TPMT: variants seen among roughly 807,000 people sequenced by gnomAD.
TPMT encodes the protein S-adenosyl-L-methionine:thiopurine S-methyltransferase.
TPMT carries 18 observed loss-of-function variants against 34.2 expected under a neutral mutation model. That is an observed-to-expected ratio of 0.53 (90% CI 0.36 to 0.78). TPMT has a LOEUF of 0.78. Among genes scored for constraint, TPMT ranks in the 30% least tolerant of loss-of-function variants. The pLI is 0.00. For missense variants in TPMT, 265 were observed against 288.1 expected (o/e 0.92, Z 0.58); for synonymous variants, 69 against 92.4 (o/e 0.75, Z 1.45).
chr6:18,146,093 C>A lies in TPMT; in HGVS notation c.233+1730G>T, dbSNP rs1468755625. On this transcript the variant is annotated intron_variant, in intron 3 of 8. Coordinates refer to ENST00000309983, the MANE Select transcript of TPMT (RefSeq NM_000367.5). This position sits in a 1 kb window ranked among gnomAD's most constrained non-coding sequence, Gnocchi z 6.2. Reference sequence around the variant, plus strand: ...TCTGTATAGACCTCAATACATAGATCAGTTACATAAATGAAAAATCATCTA... The same window carrying A: ...TCTGTATAGACCTCAATACATAGATAAGTTACATAAATGAAAAATCATCTA... Among the ~76,000 whole-genome samples, 1 of 152,126 alleles carries A rather than the reference C, an allele frequency of 6.6e-6. No individual in the cohort carries two copies. Among genetic ancestry groups the A allele is most frequent in the Non-Finnish European group, 1.5e-5 (1 of 68,038 alleles).
In TPMT at chr6:18,136,565, C is replaced by G. The variant is rs377510263; in HGVS notation, c.494+2398G>C. On this transcript the variant is annotated intron_variant, in intron 6 of 8. Coordinates refer to ENST00000309983, the MANE Select transcript of TPMT (RefSeq NM_000367.5). The surrounding 1 kb of genome is among the most constrained non-coding windows in gnomAD (Gnocchi z 4.7). ...TGGCTTACACCTCTAATCCCAGCACCGGGTGGCCGAGGCGGGTGGATCAGC... is the reference window on the plus strand; with the variant it reads ...TGGCTTACACCTCTAATCCCAGCACGGGGTGGCCGAGGCGGGTGGATCAGC... Among the ~76,000 whole-genome samples, 2 of 152,204 alleles carry G rather than the reference C, an allele frequency of 1.3e-5. No homozygotes were observed. The highest frequency in any genetic ancestry group is 3.9e-4 in the East Asian group (2 of 5,170).
In TPMT at chr6:18,140,662, T is replaced by C. The variant is rs1368953248; in HGVS notation, c.367-945A>G. On this transcript the variant is annotated intron_variant, in intron 4 of 8. Coordinates refer to ENST00000309983, the MANE Select transcript of TPMT (RefSeq NM_000367.5). The surrounding 1 kb of genome is among the most constrained non-coding windows in gnomAD (Gnocchi z 4.7). ...TTGTGCCACTGCCCTCCAGCCTGTG[T>C]GAGAGTAAGACCCTGTCTCAAAAAC... Among the ~76,000 whole-genome samples, 3 of 150,718 alleles carry C rather than the reference T, an allele frequency of 2.0e-5. No individual in the cohort carries two copies. The highest frequency in any genetic ancestry group is 4.4e-5 in the Non-Finnish European group (3 of 67,700).
In TPMT at chr6:18,149,230, C is replaced by T; in HGVS notation, c.-44-59G>A. 7.2e-7 allele frequency: 1 copy of T among 1,390,096 alleles called. No homozygotes were observed. The highest frequency in any genetic ancestry group is 2.3e-5 in the East Asian group (1 of 43,794). The allele number at this position is 1,390,096 out of a possible 1,614,324, so 86.1% of individuals were successfully genotyped here. Reference sequence around the variant, plus strand: ...AGGTCATTGGAATTCTATTGATGAACTAAATGAAAACCTATTATTCTTAGC... The same window carrying T: ...AGGTCATTGGAATTCTATTGATGAATTAAATGAAAACCTATTATTCTTAGC... On this transcript the variant is annotated intron_variant, in intron 1 of 8. Transcript: ENST00000309983. The surrounding 1 kb of genome is among the most constrained non-coding windows in gnomAD (Gnocchi z 5.0).
At position 18,132,484 on chromosome 6, in the gene TPMT, C is replaced by G. The variant is rs1783964850; in HGVS notation, c.581-307G>C. Reference sequence around the variant, plus strand: ...AACCATCTTCTAGCATACTGATTTTCTACCAACTCCTGCACTCACCCACAT... The same window carrying G: ...AACCATCTTCTAGCATACTGATTTTGTACCAACTCCTGCACTCACCCACAT... On this transcript the variant is annotated intron_variant, in intron 7 of 8. Transcript: ENST00000309983. This position sits in a 1 kb window ranked among gnomAD's most constrained non-coding sequence, Gnocchi z 4.8. Among the ~76,000 whole-genome samples the G allele has an allele frequency of 1.3e-5, 2 of 152,052 alleles. No individual in the cohort carries two copies. Among genetic ancestry groups the G allele is most frequent in the South Asian group, 4.1e-4 (2 of 4,822 alleles).
At position 18,137,051 on chromosome 6, in the gene TPMT, G is replaced by A. The variant is rs145979411; in HGVS notation, c.494+1912C>T. ...GCATGGTCTAATTTAAAAAGATTAGGTTTGGCAGTAAGCCTTACTGATGAA... is the reference window on the plus strand; with the variant it reads ...GCATGGTCTAATTTAAAAAGATTAGATTTGGCAGTAAGCCTTACTGATGAA... On this transcript the variant is annotated intron_variant, in intron 6 of 8. Coordinates refer to ENST00000309983, the MANE Select transcript of TPMT (RefSeq NM_000367.5). 3.0e-3 allele frequency among the ~76,000 whole-genome samples: 459 copies of A among 152,144 alleles called. 6 individuals are homozygous for A. Among genetic ancestry groups the A allele is most frequent in the African/African-American group, 0.01 (435 of 41,544 alleles).
intron 1 of TPMT, among the ~76,000 whole-genome samples, chr6:18,151,740 A>T (rs1419394762): frequency 1.3e-5 from 2 of 152,030 alleles, no homozygotes; most frequent in East Asian, 1.9e-4. Context: ...CTGCAGCTGC[A>T]CACCCTCATG....
Position 18,148,973 on chromosome 6 carries a change from C to A in TPMT, c.140+15G>T. Reference sequence around the variant, plus strand: ...TGATAGAACATTTCTCTATTGTATACCAAATATTTCTTACTGATGTCCTTG... The same window carrying A: ...TGATAGAACATTTCTCTATTGTATAACAAATATTTCTTACTGATGTCCTTG... On this transcript the variant is annotated intron_variant, in intron 2 of 8. Transcript: ENST00000309983. The surrounding 1 kb of genome is among the most constrained non-coding windows in gnomAD (Gnocchi z 4.1). 4 of 1,612,796 alleles carry A rather than the reference C, an allele frequency of 2.5e-6. No individual in the cohort carries two copies. The highest frequency in any genetic ancestry group is 3.4e-6 in the Non-Finnish European group (4 of 1,179,864).
Position 18,131,711 on chromosome 6 carries a change from C to A in TPMT, c.625+422G>T, listed in dbSNP as rs1220093349. On this transcript the variant is annotated intron_variant, in intron 8 of 8. Transcript: ENST00000309983. The surrounding 1 kb of genome is among the most constrained non-coding windows in gnomAD (Gnocchi z 4.3). The stretch of plus-strand genomic sequence containing the variant: ...TCCTTTTCTAAGATAAAACAACTTT[C>A]AATAAAATGGTCTTTATCTTTTAAA... 2.0e-5 allele frequency among the ~76,000 whole-genome samples: 3 copies of A among 151,998 alleles called. No individual in the cohort carries two copies. The highest frequency in any genetic ancestry group is 7.2e-5 in the African/African-American group (3 of 41,404).
Position 18,133,792 on chromosome 6 carries a change from C to T in TPMT, c.580+12G>A. 8 of 1,526,094 alleles carry T rather than the reference C, an allele frequency of 5.2e-6. No individual in the cohort carries two copies. The highest frequency in any genetic ancestry group is 2.3e-5 in the East Asian group (1 of 42,822). The allele number at this position is 1,526,094 out of a possible 1,614,324, so 94.5% of individuals were successfully genotyped here. ...ACTGGTAAAAGAAAAAAAAAAAACC[C>T]AACAACTTTACCTGGATGTTTAGTT... On this transcript the variant is annotated intron_variant, in intron 7 of 8. Transcript: ENST00000309983.
At position 18,145,002 on chromosome 6, in the gene TPMT, T is replaced by C. The variant is rs1364924896; in HGVS notation, c.234-1274A>G. ...TCCCAAAGTGCTGGGATTACAGTCCTGGTAAGTTTTATAATGAACAGAATT... is the reference window on the plus strand; with the variant it reads ...TCCCAAAGTGCTGGGATTACAGTCCCGGTAAGTTTTATAATGAACAGAATT... On this transcript the variant is annotated intron_variant, in intron 3 of 8. Transcript: ENST00000309983. The surrounding 1 kb of genome is among the most constrained non-coding windows in gnomAD (Gnocchi z 5.6). Among the ~76,000 whole-genome samples the C allele has an allele frequency of 1.3e-5, 2 of 152,206 alleles. No individual in the cohort carries two copies. The highest frequency in any genetic ancestry group is 2.9e-5 in the Non-Finnish European group (2 of 68,042).
Position 18,153,009 on chromosome 6 carries a change from C to A in TPMT, c.-45+2024G>T, listed in dbSNP as rs1784383311. Among the ~76,000 whole-genome samples, 1 of 152,190 alleles carries A rather than the reference C, an allele frequency of 6.6e-6. No individual in the cohort carries two copies. Among genetic ancestry groups the A allele is most frequent in the African/African-American group, 2.4e-5 (1 of 41,444 alleles). On this transcript the variant is annotated intron_variant, in intron 1 of 8. Coordinates refer to ENST00000309983, the MANE Select transcript of TPMT (RefSeq NM_000367.5). The surrounding 1 kb of genome is among the most constrained non-coding windows in gnomAD (Gnocchi z 4.2). ...ACTCCATCCTGTGATTGTGGTAACACCGCCATTTTTTGTGCATGGTACCCA... is the reference window on the plus strand; with the variant it reads ...ACTCCATCCTGTGATTGTGGTAACAACGCCATTTTTTGTGCATGGTACCCA...
In TPMT at chr6:18,138,534, C is replaced by T. The variant is rs903754593; in HGVS notation, c.494+429G>A. ...CCTCCTGCTTTGGCCTCCCACAGTG[C>T]TGGGATTACATGTATGATCCACCAT... is the stretch of plus-strand genomic sequence containing the variant. On this transcript the variant is annotated intron_variant, in intron 6 of 8. Transcript: ENST00000309983. This position sits in a 1 kb window ranked among gnomAD's most constrained non-coding sequence, Gnocchi z 4.1. Among the ~76,000 whole-genome samples the T allele has an allele frequency of 6.6e-6, 1 of 152,180 alleles. No homozygotes were observed. The highest frequency in any genetic ancestry group is 2.4e-5 in the African/African-American group (1 of 41,450).
At chr6:18,141,185 G>C (rs554389024) in intron 4 of TPMT, among the ~76,000 whole-genome samples, 1 of 152,132 alleles carries the variant, frequency 6.6e-6, no homozygotes, top group South Asian at 2.1e-4. Context: ...GTGCAGCCTG[G>C]GCGGGGAACT....
rs1237217951 is a variant in TPMT at position 18,153,551 on chromosome 6, T to C, written c.-45+1482A>G. On this transcript the variant is annotated intron_variant, in intron 1 of 8. Transcript: ENST00000309983. This position sits in a 1 kb window ranked among gnomAD's most constrained non-coding sequence, Gnocchi z 4.2. ...CTTTTGTTGCCAAATTTGGCCTCAG[T>C]ATGCTTAGGATATAGGGAGGAGGCA... 6.6e-6 allele frequency among the ~76,000 whole-genome samples: 1 copy of C among 152,178 alleles called. No individual in the cohort carries two copies. The highest frequency in any genetic ancestry group is 1.5e-5 in the Non-Finnish European group (1 of 68,020).
chr6:18,141,985 G>A (rs912182022), intron 4 of TPMT, among the ~76,000 whole-genome samples: 1 of 152,122 alleles, frequency 6.6e-6, no homozygotes, highest in African/African-American at 2.4e-5. Context: ...GAAGGGAAGA[G>A]TTCATTTGCA....
Position 18,143,386 on chromosome 6 carries a change from C to T in TPMT, c.366+210G>A, listed in dbSNP as rs56178101. On this transcript the variant is annotated intron_variant, in intron 4 of 8. Coordinates refer to ENST00000309983, the MANE Select transcript of TPMT (RefSeq NM_000367.5). This position sits in a 1 kb window ranked among gnomAD's most constrained non-coding sequence, Gnocchi z 6.1. ...AGCTTGAGTACAGAGAGGCTTTGAC[C>T]TCAGCTTTTATATACATATGTCTAT... Among the ~76,000 whole-genome samples the T allele has an allele frequency of 2.6e-4, 39 of 152,080 alleles. No individual in the cohort carries two copies. Among genetic ancestry groups the T allele is most frequent in the Non-Finnish European group, 4.4e-4 (30 of 68,010 alleles).
At position 18,149,168 on chromosome 6, in the gene TPMT, G is replaced by A. The variant is rs771494830; in HGVS notation, c.-41C>T. On this transcript the variant is annotated 5_prime_UTR_variant, in exon 2 of 9. It adds an upstream start codon to the 5' untranslated region. Transcript: ENST00000309983. The surrounding 1 kb of genome is among the most constrained non-coding windows in gnomAD (Gnocchi z 5.0). ...TTTGTCTCACAAGCATATGTCTTCC[G>A]TGCCTACGTGGAAAATATTTGCAAT... The A allele has an allele frequency of 3.0e-5, 48 of 1,613,096 alleles. No homozygotes were observed. The highest frequency in any genetic ancestry group is 3.9e-5 in the Non-Finnish European group (46 of 1,179,812).
rs968716076 is a variant in TPMT at position 18,129,434 on chromosome 6, C to G, written c.*1234G>C. ...CTTGCATTAACAACCTTTAAGCCAG[C>G]ACATGTGCGTGCATGCGTGCACACA... On this transcript the variant is annotated 3_prime_UTR_variant, in exon 9 of 9. Coordinates refer to ENST00000309983, the MANE Select transcript of TPMT (RefSeq NM_000367.5). The G allele has an allele frequency of 6.6e-6, 1 of 152,190 alleles. No individual in the cohort carries two copies. Among genetic ancestry groups the G allele is most frequent in the African/African-American group, 2.4e-5 (1 of 41,434 alleles). The allele number at this position is 152,190 out of a possible 1,614,324, so 9.4% of individuals were successfully genotyped here.
chr6:18,133,920 A>G lies in TPMT; in HGVS notation c.495-31T>C, dbSNP rs765186734. 32 of 1,582,080 alleles carry G rather than the reference A, an allele frequency of 2.0e-5. 1 individual carries two copies. The South Asian group carries it at 3.0e-4, about 15-fold the overall frequency. ...AAGAACACAAGAAGGTATTTGTTACATTTCTCTACACAGGCAAAGGCTGGA... is the reference window on the plus strand; with the variant it reads ...AAGAACACAAGAAGGTATTTGTTACGTTTCTCTACACAGGCAAAGGCTGGA... On this transcript the variant is annotated intron_variant, in intron 6 of 8. Coordinates refer to ENST00000309983, the MANE Select transcript of TPMT (RefSeq NM_000367.5).
Sources: gnomAD v4.1 joint callset for allele counts (sites outside exome capture counted in the v4.1 genomes callset) on GRCh38, gnomAD v4.1.1 for gene constraint, Gnocchi (gnomAD v3.1) non-coding constraint, MANE v1.5 for transcripts, NCBI Gene and HGNC (gene_info 2026-07-23, HGNC 2026-07-21) for gene names.